The following EXTL3 variants were observed in gnomAD, a reference collection of about 807,000 sequenced individuals.
EXTL3 encodes exostosin-like 3.
EXTL3 carries 27 observed loss-of-function variants against 69.3 expected under a neutral mutation model. That is an observed-to-expected ratio of 0.39 (90% CI 0.29 to 0.54). EXTL3 has a LOEUF of 0.54. Ranked by LOEUF, EXTL3 falls within the 20% of genes least tolerant of loss-of-function variation. The pLI, the probability that EXTL3 is intolerant of heterozygous loss-of-function variation, is 0.69. For synonymous variants in EXTL3, 511 were observed against 499.4 expected (o/e 1.02, Z -0.31); for missense variants, 1,003 against 1,231.8 (o/e 0.81, Z 2.78).
At chr8:28,688,823 T>C (rs1016019474) in intron 1 of EXTL3, among the ~76,000 whole-genome samples, 1 of 152,204 alleles carries the variant, frequency 6.6e-6, no homozygotes, top group South Asian at 2.1e-4. Context: ...TTAGATCACA[T>C]TCAAAAATGG....
chr8:28,724,705 C>T (rs1234159848), intron 3 of EXTL3, among the ~76,000 whole-genome samples: 1 of 151,986 alleles, frequency 6.6e-6, no homozygotes, highest in African/African-American at 2.4e-5. Flanking sequence ...GAGGCTGAGG[C>T]AGGAGAATCG....
At chr8:28,642,628 A>G (rs1196850832) in intron 1 of EXTL3, among the ~76,000 whole-genome samples, 3 of 151,984 alleles carry the variant, frequency 2.0e-5, no homozygotes, top group Non-Finnish European at 2.9e-5. Flanking sequence ...TACAAAAGAA[A>G]TGTTTTAAGG....
intron 6 of EXTL3, among the ~76,000 whole-genome samples, chr8:28,747,715 AT>A (rs990302897): frequency 1.4e-5 from 2 of 141,746 alleles, no homozygotes; most frequent in African/African-American, 2.6e-5. Context: ...GTATATATGT[AT>A]TTTTTCTTTT....
intron 1 of EXTL3, among the ~76,000 whole-genome samples, chr8:28,628,601 G>A (rs1309279841): frequency 2.0e-5 from 3 of 152,138 alleles, no homozygotes; most frequent in Non-Finnish European, 4.4e-5. Context: ...AAAGTCCTAT[G>A]GTATGTCACG....
At chr8:28,719,547 CT>C (rs1270302138) in intron 3 of EXTL3, among the ~76,000 whole-genome samples, 1 of 152,098 alleles carries the variant, frequency 6.6e-6, no homozygotes, top group Non-Finnish European at 1.5e-5. Context: ...TGCTGCTAAT[CT>C]TTTTTTAAAT....
At chr8:28,647,588 C>CT (rs1310394866) in intron 1 of EXTL3, among the ~76,000 whole-genome samples, 1 of 152,024 alleles carries the variant, frequency 6.6e-6, no homozygotes, top group Non-Finnish European at 1.5e-5. Flanking sequence ...CCCAGGCTGT[C>CT]TGTCTCTAAA....
intron 1 of EXTL3, among the ~76,000 whole-genome samples, chr8:28,665,664 T>A: frequency 6.6e-6 from 1 of 152,108 alleles, no homozygotes; most frequent in Non-Finnish European, 1.5e-5. Flanking sequence ...CATCTCAACC[T>A]CCCAAAGTGC....
chr8:28,729,415 T>A (rs751912812), intron 3 of EXTL3, among the ~76,000 whole-genome samples: 5 of 147,404 alleles, frequency 3.4e-5, no homozygotes, highest in Non-Finnish European at 7.5e-5. Context: ...GCCAAGATGG[T>A]GAAACCCCGT....
At chr8:28,690,392 A>T (rs1292171633) in intron 1 of EXTL3, among the ~76,000 whole-genome samples, 1 of 151,960 alleles carries the variant, frequency 6.6e-6, no homozygotes, top group Non-Finnish European at 1.5e-5. Context: ...TTGAAAATAC[A>T]AATATTTATT....
intron 1 of EXTL3, among the ~76,000 whole-genome samples, chr8:28,710,711 A>AT (rs1378990267): frequency 6.7e-6 from 1 of 149,132 alleles, no homozygotes; most frequent in Non-Finnish European, 1.5e-5. Flanking sequence ...TGCCTGGCTA[A>AT]TTTAAATTTT....
chr8:28,702,207 C>T (rs1192150272), intron 1 of EXTL3, among the ~76,000 whole-genome samples: 2 of 152,318 alleles, frequency 1.3e-5, no homozygotes, highest in East Asian at 3.9e-4. Flanking sequence ...CCCGCTGGCT[C>T]TTTTTGCCGG....
chr8:28,680,501 G>A (rs1807468414), intron 1 of EXTL3, among the ~76,000 whole-genome samples: 1 of 151,832 alleles, frequency 6.6e-6, no homozygotes, highest in African/African-American at 2.4e-5. Flanking sequence ...ATGACATGAT[G>A]TTTTATGTAC....
intron 3 of EXTL3, among the ~76,000 whole-genome samples, chr8:28,728,266 C>T (rs1346403782): frequency 6.6e-6 from 1 of 152,228 alleles, no homozygotes; most frequent in Non-Finnish European, 1.5e-5. Flanking sequence ...AAGTCCGGCC[C>T]CTTCTTGCCA....
chr8:28,710,636 A>T, intron 1 of EXTL3: 1 of 343,950 alleles, frequency 2.9e-6, no homozygotes, highest in South Asian at 2.2e-5. Flanking sequence ...TTTTTGAGGC[A>T]AGGTCTTGCT....
At chr8:28,729,275 A>G (rs11781604) in intron 3 of EXTL3, among the ~76,000 whole-genome samples, 2 of 135,586 alleles carry the variant, frequency 1.5e-5, no homozygotes, top group Non-Finnish European at 3.1e-5. Context: ...AGTCTGGGCC[A>G]CAGTGAGACT....
chr8:28,620,670 A>G (rs890498733), upstream of EXTL3, among the ~76,000 whole-genome samples: 1 of 152,188 alleles, frequency 6.6e-6, no homozygotes, highest in African/African-American at 2.4e-5. Context: ...AAACACTGTA[A>G]TCAATTTGGT....
At chr8:28,690,006 A>C (rs904200667) in intron 1 of EXTL3, among the ~76,000 whole-genome samples, 2 of 152,194 alleles carry the variant, frequency 1.3e-5, no homozygotes, top group African/African-American at 2.4e-5. Context: ...CCATAAATAC[A>C]GTTTCTGCAT....
rs781131046 is a variant in EXTL3 at position 28,737,542 on chromosome 8, G to T, written c.2300G>T (p.Arg767Leu). 3.1e-6 allele frequency: 5 copies of T among 1,613,896 alleles called. No individual in the cohort carries two copies. The highest frequency in any genetic ancestry group is 4.2e-6 in the Non-Finnish European group (5 of 1,179,886). The change falls in exon 5 of 7, where the codon CGC (arginine) becomes CTC (leucine). Residue 767 changes from arginine (R) to leucine (L), a missense_variant. By Grantham distance (102) the Arg-to-Leu change is moderately radical. Around this residue, in one of 2 missense-constraint regions of EXTL3, gnomAD observed 261 missense variants for 416.4 expected, o/e 0.63. Coordinates refer to ENST00000220562, the MANE Select transcript of EXTL3 (RefSeq NM_001440.4). ...AGGGTGTGGAGAGAAGCTCGGGACC[G>T]CATCGTGGGCTTCCCTGGCCGTTAC... The part of the protein sequence containing the change: ...GFRVWREARD[R>L]IVGFPGRYHA...
At chr8:28,673,938 A>G (rs1472189704) in intron 1 of EXTL3, among the ~76,000 whole-genome samples, 1 of 152,180 alleles carries the variant, frequency 6.6e-6, no homozygotes, top group Non-Finnish European at 1.5e-5. Flanking sequence ...TAATGACTGT[A>G]TTTCCAGTAG....
Sources: gnomAD v4.1 joint callset for allele counts (sites outside exome capture counted in the v4.1 genomes callset) on GRCh38, gnomAD v4.1.1 for gene constraint, gnomAD v4.1.1 regional missense constraint, MANE v1.5 for transcripts, NCBI Gene and HGNC (gene_info 2026-07-23, HGNC 2026-07-21) for gene names.